CD300LF: variants seen among roughly 807,000 people sequenced by gnomAD.
CD300LF encodes the protein CMRF35-like molecule 1.
Under a neutral mutation model 32.2 loss-of-function variants are expected in CD300LF, and 27 were observed. The ratio of observed to expected loss-of-function variants is 0.84; its 90% confidence interval spans 0.62 to 1.15. The LOEUF (loss-of-function observed/expected upper bound fraction) is 1.15. CD300LF is among the 50% of genes most tolerant of loss of function. The pLI, the probability that CD300LF is intolerant of heterozygous loss-of-function variation, is 0.00. For synonymous variants in CD300LF, 139 were observed against 143.2 expected (o/e 0.97, Z 0.21); for missense variants, 348 against 356.8 (o/e 0.98, Z 0.20).
At chr17:74,696,802 C>A (rs1490375532) in intron 4 of CD300LF, among the ~76,000 whole-genome samples, 1 of 152,152 alleles carries the variant, frequency 6.6e-6, no homozygotes, top group Non-Finnish European at 1.5e-5. Context: ...GCAGGTGGTG[C>A]TCCATCAGTA....
Position 74,712,888 on chromosome 17 carries a change from G to C in CD300LF, c.-22C>G. ...GCATCTTCTCTTCAGACAGGTCCCC[G>C]TTCCCCTCAGTGGAGCCTGGCAGCA... On this transcript the variant is annotated 5_prime_UTR_variant, in exon 1 of 7. Transcript: ENST00000326165. 1 of 1,613,152 alleles carries C rather than the reference G, an allele frequency of 6.2e-7. No homozygotes were observed. The highest frequency in any genetic ancestry group is 8.5e-7 in the Non-Finnish European group (1 of 1,179,390).
chr17:74,705,285 G>T, intron 1 of CD300LF: 1 of 699,222 alleles, frequency 1.4e-6, no homozygotes, highest in Non-Finnish European at 2.6e-6. Context: ...TGTCCTGGTG[G>T]TCCTAATGAT....
At chr17:74,711,715 G>A (rs1161399480) in intron 1 of CD300LF, among the ~76,000 whole-genome samples, 2 of 151,964 alleles carry the variant, frequency 1.3e-5, no homozygotes, top group African/African-American at 4.8e-5. Context: ...CTTTTCCTAG[G>A]TCTCGGCTCG....
intron 1 of CD300LF, among the ~76,000 whole-genome samples, chr17:74,707,271 C>T (rs1469412863): frequency 6.6e-6 from 1 of 152,160 alleles, no homozygotes; most frequent in African/African-American, 2.4e-5. Context: ...ACATAAGGAA[C>T]TCAAACAAAT....
At chr17:74,696,321 G>T in intron 4 of CD300LF, 104 bp from the exon 5 acceptor site, 1 of 1,278,822 alleles carries the variant, frequency 7.8e-7, no homozygotes, top group Non-Finnish European at 1.1e-6. Flanking sequence ...GGTGAATTGG[G>T]TCCAGGCTCA....
intron 5 of CD300LF, 23 bp from the exon 6 acceptor site, chr17:74,695,882 G>C (rs1439290080): frequency 2.5e-6 from 4 of 1,607,948 alleles, no homozygotes; most frequent in Middle Eastern, 1.7e-4. Context: ...ACACAGGCTG[G>C]GGAGTCACAA....
rs867471606 is a variant in CD300LF at position 74,697,061 on chromosome 17, C to T, written c.560-844G>A. Among the ~76,000 whole-genome samples, 9 of 152,268 alleles carry T rather than the reference C, an allele frequency of 5.9e-5. No individual in the cohort carries two copies. The Middle Eastern group carries it at 0.02, about 345-fold the overall frequency. ...GGTTCAAGCGATTCTCCTGCCTTAGCCTCCTGAGTAGCTGGAACTACAGAT... is the reference window on the plus strand; with the variant it reads ...GGTTCAAGCGATTCTCCTGCCTTAGTCTCCTGAGTAGCTGGAACTACAGAT... On this transcript the variant is annotated intron_variant, in intron 4 of 6. Coordinates refer to ENST00000326165, the MANE Select transcript of CD300LF (RefSeq NM_139018.5).
At chr17:74,699,255 A>G (rs2032811800) in intron 3 of CD300LF, among the ~76,000 whole-genome samples, 1 of 152,164 alleles carries the variant, frequency 6.6e-6, no homozygotes, top group African/African-American at 2.4e-5. Context: ...AAAGGGTTCC[A>G]TGAGGTGGTT....
chr17:74,697,161 C>G (rs2032564186), intron 4 of CD300LF, among the ~76,000 whole-genome samples: 2 of 152,138 alleles, frequency 1.3e-5, no homozygotes, highest in Admixed American at 6.5e-5. Flanking sequence ...CCAGGCTGGT[C>G]TCGAACTCCT....
At chr17:74,699,194 G>A (rs991983632) in intron 3 of CD300LF, among the ~76,000 whole-genome samples, 2 of 152,166 alleles carry the variant, frequency 1.3e-5, no homozygotes, top group African/African-American at 2.4e-5. Flanking sequence ...TGGGATTACA[G>A]GCGTGAGCCA....
chr17:74,696,348 T>C, intron 4 of CD300LF, 131 bp from the exon 5 acceptor site: 1 of 900,042 alleles, frequency 1.1e-6, no homozygotes, highest in Non-Finnish European at 1.7e-6. Flanking sequence ...GGGACCTGGT[T>C]CTAATTCTGA....
In CD300LF at chr17:74,698,448, G is replaced by C. The variant is rs762046788; in HGVS notation, c.480C>G (p.Pro160=). ...HKLLKLSVLL[P]LIFTILLLLL... Reference sequence around the variant, plus strand: ...GCAGCAGCAATATGGTGAAGATGAGGGGCAGGAGGACACTGAGCTTCAGGA... The same window carrying C: ...GCAGCAGCAATATGGTGAAGATGAGCGGCAGGAGGACACTGAGCTTCAGGA... Residue 160 remains proline (P), a synonymous_variant, in exon 4 of 7, where the codon CCC becomes CCG. Transcript: ENST00000326165. 6.2e-7 allele frequency: 1 copy of C among 1,613,968 alleles called. No individual in the cohort carries two copies. The highest frequency in any genetic ancestry group is 8.5e-7 in the Non-Finnish European group (1 of 1,179,990).
At chr17:74,712,598 C>A (rs1157506829) in intron 1 of CD300LF, among the ~76,000 whole-genome samples, 1 of 152,226 alleles carries the variant, frequency 6.6e-6, no homozygotes, top group Non-Finnish European at 1.5e-5. Context: ...ACATGATCAG[C>A]CCCTGGGGGT....
At chr17:74,697,809 G>A (rs2032640701) in intron 4 of CD300LF, among the ~76,000 whole-genome samples, 1 of 152,202 alleles carries the variant, frequency 6.6e-6, no homozygotes. Flanking sequence ...AGGGACAGAA[G>A]GAAAGGCCAT....
At chr17:74,699,976 A>C (rs542535169) in intron 3 of CD300LF, among the ~76,000 whole-genome samples, 2 of 151,812 alleles carry the variant, frequency 1.3e-5, no homozygotes, top group Admixed American at 6.6e-5. Context: ...CTCCGTCTCT[A>C]CCAAAAAATA....
intron 3 of CD300LF, among the ~76,000 whole-genome samples, chr17:74,700,512 A>G (rs2032951376): frequency 6.6e-6 from 1 of 152,148 alleles, no homozygotes; most frequent in Admixed American, 6.5e-5. Context: ...AGGCCGAGGC[A>G]GGCTGATCAC....
intron 3 of CD300LF, chr17:74,698,718 G>A: frequency 1.0e-6 from 1 of 1,002,468 alleles, no homozygotes; most frequent in Admixed American, 3.1e-5. Flanking sequence ...GATGGAGGGT[G>A]GGAGGAAGCA....
chr17:74,708,223 T>C (rs1444396680), intron 1 of CD300LF, among the ~76,000 whole-genome samples: 1 of 146,906 alleles, frequency 6.8e-6, no homozygotes, highest in Non-Finnish European at 1.5e-5. Context: ...ACAAAATAAA[T>C]AGAAAACCTG....
chr17:74,708,144 T>A, intron 1 of CD300LF, among the ~76,000 whole-genome samples: 2 of 101,878 alleles, frequency 2.0e-5, no homozygotes, highest in African/African-American at 3.6e-5. Flanking sequence ...CAAGACTCCA[T>A]CTCAAAAAAA....
Sources: gnomAD v4.1 joint callset for allele counts (sites outside exome capture counted in the v4.1 genomes callset) on GRCh38, gnomAD v4.1.1 for gene constraint, MANE v1.5 for transcripts, NCBI Gene and HGNC (gene_info 2026-07-23, HGNC 2026-07-21) for gene names.